The following RASSF1 variants were observed in gnomAD, a reference collection of about 807,000 sequenced individuals.
The protein encoded by RASSF1 is ras association domain-containing protein 1.
Under a neutral mutation model 34.3 loss-of-function variants are expected in RASSF1, and 33 were observed. That is an observed-to-expected ratio of 0.96 (90% CI 0.73 to 1.29). The LOEUF is 1.29. RASSF1 is among the 50% of genes most tolerant of loss of function. The probability of loss-of-function intolerance (pLI) is 0.00; values close to 1 mark genes in which losing one functional copy is unlikely to be tolerated. For missense variants in RASSF1, 445 were observed against 471.8 expected (o/e 0.94, Z 0.53); for synonymous variants, 191 against 195.0 (o/e 0.98, Z 0.17).
In RASSF1 at chr3:50,330,031, G is replaced by A. The variant is rs1452145816; in HGVS notation, c.*550C>T. 1 of 152,942 alleles carries A rather than the reference G, an allele frequency of 6.5e-6. No homozygotes were observed. The highest frequency in any genetic ancestry group is 1.5e-5 in the Non-Finnish European group (1 of 68,322). The allele number at this position is 152,942 out of a possible 1,614,324, so 9.5% of individuals were successfully genotyped here. ...CCCAGGGACATCCTCCTCATATGAA[G>A]CATTAAGGCACATGCTGTACTGTGA... On this transcript the variant is annotated 3_prime_UTR_variant, in exon 6 of 6. Transcript: ENST00000359365. This position sits in a 1 kb window ranked among gnomAD's most constrained non-coding sequence, Gnocchi z 4.5.
rs3806707 is a variant in RASSF1, at chr3:50,338,041, G to A, written c.251-30C>T. ...AGAGAGGCCTGGCGGTGAGGCGGAGGAGCTCCAGGTCGGGGAAATGTCCCG... is the reference window on the plus strand; with the variant it reads ...AGAGAGGCCTGGCGGTGAGGCGGAGAAGCTCCAGGTCGGGGAAATGTCCCG... On this transcript the variant is annotated intron_variant, in intron 1 of 5. Transcript: ENST00000359365. 1.8e-4 allele frequency: 282 copies of A among 1,553,816 alleles called. 3 individuals are homozygous for A. The East Asian group carries it at 6.6e-3, about 36-fold the overall frequency.
At chr3:50,337,314 G>A (rs748631355) in intron 2 of RASSF1, 2 of 1,612,026 alleles carry the variant, frequency 1.2e-6, no homozygotes, top group South Asian at 1.1e-5. Flanking sequence ...CCTCCGCCTC[G>A]CCCATAGCCG....
At chr3:50,339,614 C>A (rs941339294) in intron 1 of RASSF1, among the ~76,000 whole-genome samples, 1 of 152,060 alleles carries the variant, frequency 6.6e-6, no homozygotes, top group Non-Finnish European at 1.5e-5. Context: ...GGTGATCCAC[C>A]CGCCTCCGCC....
At chr3:50,337,851 C>T (rs1021477559) in intron 2 of RASSF1, 54 bp downstream of exon 2, 1 of 1,466,916 alleles carries the variant, frequency 6.8e-7, no homozygotes, top group South Asian at 1.2e-5. Flanking sequence ...AGAATGCCTG[C>T]ACTGTGGCCT....
At position 50,330,737 on chromosome 3, in the gene RASSF1, G is replaced by A; in HGVS notation, c.877-10C>T. On this transcript the variant is annotated splice_polypyrimidine_tract_variant and intron_variant, in intron 5 of 5. Coordinates refer to ENST00000359365, the MANE Select transcript of RASSF1 (RefSeq NM_007182.5). This position sits in a 1 kb window ranked among gnomAD's most constrained non-coding sequence, Gnocchi z 4.5. ...TGCTGAAGGCGTCCCACTGCAAGGG[G>A]CAAAAGGGGAGTGTACAGGCTGCAG... The A allele has an allele frequency of 6.2e-7, 1 of 1,613,434 alleles. No individual in the cohort carries two copies.
rs587768710 is a variant in RASSF1, at chr3:50,331,604, G to T, written c.715C>A (p.Pro239Thr). 1 of 1,604,260 alleles carries T rather than the reference G, an allele frequency of 6.2e-7. No individual in the cohort carries two copies. Among genetic ancestry groups the T allele is most frequent in the Non-Finnish European group, 8.5e-7 (1 of 1,171,906 alleles). ...CGCTCAAAGAGTGCAAACTTGCGGG[G>T]GTCATCCACCACCAAGAACTTTCGC... is the stretch of plus-strand genomic sequence containing the variant. ...LLRKFLVVDDPRKFALFERAE... is the reference protein window; with the variant it reads ...LLRKFLVVDDTRKFALFERAE... Residue 239 changes from proline to threonine, a missense_variant, in exon 4 of 6, where the codon CCC (proline) becomes ACC (threonine). By Grantham distance (38) the Pro-to-Thr change is conservative. Coordinates refer to ENST00000359365, the MANE Select transcript of RASSF1 (RefSeq NM_007182.5).
chr3:50,331,673 C>CATGCAGGTGCTTGACAGCAT lies in RASSF1; in HGVS notation c.626_645dup (p.Val216MetfsTer71). ...TCACGTGCCCTTGTGCGTGACAGCA[C>CATGCAGGTGCTTGACAGCAT]ATGCAGGTGCTTGACAGCATCCTTG... is the stretch of plus-strand genomic sequence containing the variant. On this transcript the variant is annotated frameshift_variant, in exon 4 of 6. Coordinates refer to ENST00000359365, the MANE Select transcript of RASSF1 (RefSeq NM_007182.5). LOFTEE classifies it high-confidence loss of function. 6.2e-7 allele frequency: 1 copy of CATGCAGGTGCTTGACAGCAT among 1,613,178 alleles called. No homozygotes were observed. The highest frequency in any genetic ancestry group is 8.5e-7 in the Non-Finnish European group (1 of 1,179,266).
intron 2 of RASSF1, chr3:50,337,309 G>C: frequency 6.2e-7 from 1 of 1,612,536 alleles, no homozygotes; most frequent in Non-Finnish European, 8.5e-7. Context: ...AGGCGCCTCC[G>C]CCTCGCCCAT....
Position 50,330,483 on chromosome 3 carries a change from T to G in RASSF1, c.*98A>C, listed in dbSNP as rs1486802191. ...TTCCCCCAGCACAGGAGGGCCTCCATGCACACTCATTCCACAGGCCCCACT... is the reference window on the plus strand; with the variant it reads ...TTCCCCCAGCACAGGAGGGCCTCCAGGCACACTCATTCCACAGGCCCCACT... On this transcript the variant is annotated 3_prime_UTR_variant, in exon 6 of 6. Transcript: ENST00000359365. The surrounding 1 kb of genome is among the most constrained non-coding windows in gnomAD (Gnocchi z 4.5). 5 of 1,498,876 alleles carry G rather than the reference T, an allele frequency of 3.3e-6. No individual in the cohort carries two copies. Among genetic ancestry groups the G allele is most frequent in the South Asian group, 1.2e-5 (1 of 83,504 alleles). The allele number at this position is 1,498,876 out of a possible 1,614,324, so 92.8% of individuals were successfully genotyped here.
At chr3:50,337,411 CGT>C in intron 2 of RASSF1, 1 of 1,583,414 alleles carries the variant, frequency 6.3e-7, no homozygotes, top group East Asian at 2.2e-5. Context: ...TCAGTGTGCG[CGT>C]GCGCCCGGGC....
intron 1 of RASSF1, among the ~76,000 whole-genome samples, chr3:50,338,724 C>T (rs764613072): frequency 2.0e-5 from 3 of 152,174 alleles, no homozygotes; most frequent in African/African-American, 7.2e-5. Context: ...TCTAATCCTT[C>T]GCCTTCACTC....
chr3:50,335,138 C>CG (rs1385481384), intron 2 of RASSF1, among the ~76,000 whole-genome samples: 10 of 151,832 alleles, frequency 6.6e-5, no homozygotes, highest in Non-Finnish European at 1.5e-5. Flanking sequence ...TTAGTCGAGA[C>CG]GGGGTTTCAC....
At chr3:50,336,981 C>A in intron 2 of RASSF1, 1 of 806,824 alleles carries the variant, frequency 1.2e-6, no homozygotes, top group Non-Finnish European at 1.9e-6. Context: ...GGCCCCGGCA[C>A]CCAGCATCTA....
chr3:50,336,627 A>G (rs1263969680), intron 2 of RASSF1: 2 of 153,714 alleles, frequency 1.3e-5, no homozygotes, highest in African/African-American at 4.8e-5. Context: ...GAGGAAGGGA[A>G]CAGAATCTTC....
intron 1 of RASSF1, 144 bp from the exon 2 acceptor site, chr3:50,338,155 C>T (rs987463404): frequency 3.5e-6 from 5 of 1,445,534 alleles, no homozygotes; most frequent in Non-Finnish European, 2.7e-6. Flanking sequence ...CACACTGCTA[C>T]GCGGACTCTA....
Position 50,340,811 on chromosome 3 carries a change from G to T in RASSF1, c.-6C>A. 1 of 1,492,150 alleles carries T rather than the reference G, an allele frequency of 6.7e-7. No individual in the cohort carries two copies. Among genetic ancestry groups the T allele is most frequent in the Non-Finnish European group, 8.8e-7 (1 of 1,132,968 alleles). The allele number at this position is 1,492,150 out of a possible 1,614,324, so 92.4% of individuals were successfully genotyped here. On this transcript the variant is annotated 5_prime_UTR_variant, in exon 1 of 6. Transcript: ENST00000359365. ...AGCTCAGGCTCCCCCGACATGGCCCGGTTGGGCCCGTGCTTCGCTGGCTTT... is the reference window on the plus strand; with the variant it reads ...AGCTCAGGCTCCCCCGACATGGCCCTGTTGGGCCCGTGCTTCGCTGGCTTT...
At chr3:50,332,634 A>G (rs28449453) in intron 2 of RASSF1, among the ~76,000 whole-genome samples, 1 of 121,434 alleles carries the variant, frequency 8.2e-6, no homozygotes, top group Non-Finnish European at 1.5e-5. Context: ...CTAAAAAAAG[A>G]AAAAAAAAAA....
At chr3:50,337,826 C>T in intron 2 of RASSF1, 79 bp downstream of exon 2, 5 of 1,347,434 alleles carry the variant, frequency 3.7e-6, no homozygotes, top group South Asian at 1.3e-5. Context: ...GCGCGCGGCA[C>T]CCAGGCAGCC....
chr3:50,334,578 G>T (rs1703059430), intron 2 of RASSF1, among the ~76,000 whole-genome samples: 1 of 152,250 alleles, frequency 6.6e-6, no homozygotes, highest in Admixed American at 6.5e-5. Flanking sequence ...TTGCAGAACA[G>T]GGAGGGCACA....
Sources: allele counts gnomAD v4.1 joint callset (sites outside exome capture counted in the v4.1 genomes callset), GRCh38; gene constraint gnomAD v4.1.1; non-coding constraint Gnocchi (gnomAD v3.1); transcripts MANE v1.5; gene names NCBI Gene and HGNC (gene_info 2026-07-23, HGNC 2026-07-21).